Variants in ZNF710 observed in about 807,000 individuals in gnomAD.
The protein encoded by ZNF710 is zinc finger protein 710.
Under a neutral mutation model 50.6 loss-of-function variants are expected in ZNF710, and 13 were observed. That is an observed-to-expected ratio of 0.26 (90% CI 0.17 to 0.41). The LOEUF is 0.41. Ranked by LOEUF, ZNF710 falls within the 10% of genes least tolerant of loss-of-function variation. The pLI is 1.00. For missense variants in ZNF710, 721 were observed against 936.6 expected, an observed-to-expected ratio of 0.77 and a Z score of 3.01; for synonymous variants, 383 against 397.0, an observed-to-expected ratio of 0.96 and a Z score of 0.42.
chr15:90,007,489 G>T (rs975262494), intron 1 of ZNF710, among the ~76,000 whole-genome samples: 2 of 152,036 alleles, frequency 1.3e-5, no homozygotes, highest in African/African-American at 4.8e-5. Flanking sequence ...GGGAAGAGGA[G>T]CCGTAGCTTT....
intron 1 of ZNF710, among the ~76,000 whole-genome samples, chr15:90,018,554 C>T (rs1898520559): frequency 1.3e-5 from 2 of 152,110 alleles, no homozygotes; most frequent in Non-Finnish European, 2.9e-5. Flanking sequence ...CCTTTTTTCG[C>T]CTCCTCTTTG....
At position 90,062,829 on chromosome 15, in the gene ZNF710, C is replaced by T; in HGVS notation, c.-28-4281C>T. ...TCCTCAGCAGAGCCCCTTCTGCATA[C>T]ACACACGCGCGCACGCGCACACACA... On this transcript the variant is annotated intron_variant, in intron 1 of 4. Coordinates refer to ENST00000268154, the MANE Select transcript of ZNF710 (RefSeq NM_198526.4). The surrounding 1 kb of genome is among the most constrained non-coding windows in gnomAD (Gnocchi z 5.6). 6.6e-6 allele frequency among the ~76,000 whole-genome samples: 1 copy of T among 152,146 alleles called. No homozygotes were observed. Among genetic ancestry groups the T allele is most frequent in the South Asian group, 2.1e-4 (1 of 4,832 alleles).
chr15:90,067,492 C>G lies in ZNF710; in HGVS notation c.355C>G (p.Gln119Glu), dbSNP rs1368569147. 9.9e-6 allele frequency: 16 copies of G among 1,613,446 alleles called. No individual in the cohort carries two copies. The highest frequency in any genetic ancestry group is 1.2e-5 in the Non-Finnish European group (14 of 1,179,738). Reference protein sequence around the residue: ...VKFEKVEEEEQEVYEVSVPGD... With the variant: ...VKFEKVEEEEEEVYEVSVPGD... ...GTTCGAGAAGGTGGAGGAGGAGGAA[C>G]AGGAGGTCTATGAGGTTTCTGTGCC... Residue 119 changes from glutamine to glutamate, a missense_variant, in exon 2 of 5, where the codon CAG (glutamine) becomes GAG (glutamate). By Grantham distance (29) the Gln-to-Glu change is conservative (BLOSUM62 2). This residue lies in a region of ZNF710 where 326 missense variants were observed against 347.1 expected (regional missense o/e 0.94). Transcript: ENST00000268154. This position sits in a 1 kb window ranked among gnomAD's most constrained non-coding sequence, Gnocchi z 8.1.
chr15:90,066,541 G>T (rs1456896860), intron 1 of ZNF710, among the ~76,000 whole-genome samples: 1 of 146,986 alleles, frequency 6.8e-6, no homozygotes, highest in African/African-American at 2.5e-5. Context: ...GCAGTGGCGC[G>T]ATCTCGGCTC....
At chr15:90,043,755 T>G (rs1263080645) in intron 1 of ZNF710, among the ~76,000 whole-genome samples, 1 of 152,194 alleles carries the variant, frequency 6.6e-6, no homozygotes, top group Non-Finnish European at 1.5e-5. Context: ...GAACATTCTT[T>G]CTTTCAAAGC....
In ZNF710 at chr15:90,068,618, G is replaced by C; in HGVS notation, c.1458+23G>C. 2 of 1,557,402 alleles carry C rather than the reference G, an allele frequency of 1.3e-6. No homozygotes were observed. Among genetic ancestry groups the C allele is most frequent in the Non-Finnish European group, 1.7e-6 (2 of 1,152,668 alleles). ...AAGGTAAGGCCGTTCCCAGGGCCTG[G>C]GCATCTGCCTGCCCCTCCTGCCACT... On this transcript the variant is annotated intron_variant, in intron 2 of 4. Transcript: ENST00000268154. This position sits in a 1 kb window ranked among gnomAD's most constrained non-coding sequence, Gnocchi z 5.0.
At chr15:90,006,271 G>C (rs111934210) in intron 1 of ZNF710, among the ~76,000 whole-genome samples, 6,646 of 152,218 alleles carry the variant, frequency 0.044, 205 homozygotes, top group African/African-American at 0.07. Context: ...TGCTTTTCAG[G>C]TTAAAGTTTA....
intron 2 of ZNF710, among the ~76,000 whole-genome samples, chr15:90,070,375 A>T (rs1354874265): frequency 1.3e-5 from 2 of 151,290 alleles, no homozygotes; most frequent in Non-Finnish European, 3.0e-5. Context: ...TTAAGAAAAA[A>T]AAAAAGGAAG....
At chr15:90,070,533 G>C (rs1900343550) in intron 2 of ZNF710, among the ~76,000 whole-genome samples, 1 of 151,872 alleles carries the variant, frequency 6.6e-6, no homozygotes, top group Admixed American at 6.6e-5. Context: ...AAAAATAGCT[G>C]AGTGTGGTGG....
intron 1 of ZNF710, among the ~76,000 whole-genome samples, chr15:90,008,639 G>T (rs1420621955): frequency 6.6e-6 from 1 of 150,916 alleles, no homozygotes; most frequent in Non-Finnish European, 1.5e-5. Flanking sequence ...TTATAAATCA[G>T]TCGGTGGCAC....
At chr15:90,046,163 G>A (rs1011544478) in intron 1 of ZNF710, among the ~76,000 whole-genome samples, 1 of 152,192 alleles carries the variant, frequency 6.6e-6, no homozygotes, top group Non-Finnish European at 1.5e-5. Flanking sequence ...TATGTGAGAT[G>A]AGGGCTCCAG....
At chr15:90,000,523 C>G (rs1897985451), upstream of ZNF710, among the ~76,000 whole-genome samples, 1 of 152,126 alleles carries the variant, frequency 6.6e-6, no homozygotes, top group Admixed American at 6.5e-5. Context: ...GCCAGCCCGC[C>G]GATCCCAGCA....
chr15:90,068,961 C>T lies in ZNF710; in HGVS notation c.1458+366C>T, dbSNP rs1323970801. The stretch of plus-strand genomic sequence containing the variant: ...ATTTAAACATGGCTAGGCGTGATGG[C>T]TCATGCCTGTAATCCCAGCACTTTG... On this transcript the variant is annotated intron_variant, in intron 2 of 4. Coordinates refer to ENST00000268154, the MANE Select transcript of ZNF710 (RefSeq NM_198526.4). This position sits in a 1 kb window ranked among gnomAD's most constrained non-coding sequence, Gnocchi z 5.0. Among the ~76,000 whole-genome samples, 1 of 152,012 alleles carries T rather than the reference C, an allele frequency of 6.6e-6. No individual in the cohort carries two copies. The highest frequency in any genetic ancestry group is 2.4e-5 in the African/African-American group (1 of 41,340).
intron 1 of ZNF710, among the ~76,000 whole-genome samples, chr15:90,053,163 G>A (rs569319482): frequency 2.6e-4 from 40 of 152,292 alleles, no homozygotes; most frequent in South Asian, 1.0e-3. Flanking sequence ...ATAGAAGAGT[G>A]TATTTTGGGG....
intron 1 of ZNF710, among the ~76,000 whole-genome samples, chr15:90,027,122 G>A (rs1452014075): frequency 1.3e-5 from 2 of 152,138 alleles, no homozygotes; most frequent in African/African-American, 4.8e-5. Context: ...TAGGCTAGAG[G>A]TTTATTTCCA....
intron 1 of ZNF710, among the ~76,000 whole-genome samples, chr15:90,022,931 C>G (rs936651275): frequency 6.6e-6 from 1 of 152,088 alleles, no homozygotes; most frequent in Non-Finnish European, 1.5e-5. Context: ...TGAAATGTTG[C>G]GGGAGTACAT....
In ZNF710 at chr15:90,068,005, G is replaced by A. The variant is rs769910997; in HGVS notation, c.868G>A (p.Asp290Asn). ...IDDSYLVEAG[D>N]RQKRWQCRMC... The stretch of plus-strand genomic sequence containing the variant: ...CGACTCCTATCTGGTGGAGGCGGGC[G>A]ACCGCCAGAAGCGCTGGCAGTGCCG... The change falls in exon 2 of 5, where the codon GAC (aspartate) becomes AAC (asparagine). Residue 290 changes from aspartate to asparagine, a missense_variant. Physicochemically the swap from Asp to Asn is conservative, Grantham distance 23. This residue lies in a region of ZNF710 where 326 missense variants were observed against 522.0 expected (regional missense o/e 0.62). Coordinates refer to ENST00000268154, the MANE Select transcript of ZNF710 (RefSeq NM_198526.4). The surrounding 1 kb of genome is among the most constrained non-coding windows in gnomAD (Gnocchi z 5.0). The A allele has an allele frequency of 5.3e-5, 85 of 1,614,004 alleles. No individual in the cohort carries two copies. The highest frequency in any genetic ancestry group is 1.6e-4 in the East Asian group (7 of 44,894).
chr15:89,999,670 G>GCGAGGGGC (rs1420187799), upstream of ZNF710, among the ~76,000 whole-genome samples: 1 of 152,070 alleles, frequency 6.6e-6, no homozygotes, highest in Non-Finnish European at 1.5e-5. Flanking sequence ...TTAGGGTGGG[G>GCGAGGGGC]CGAGGGGCCG....
upstream of ZNF710, among the ~76,000 whole-genome samples, chr15:90,000,361 C>T (rs544545656): frequency 1.3e-5 from 2 of 152,150 alleles, no homozygotes; most frequent in African/African-American, 4.8e-5. Flanking sequence ...CCGGCCTGCG[C>T]CGGAGCTGGA....
Sources: allele counts gnomAD v4.1 joint callset (sites outside exome capture counted in the v4.1 genomes callset), GRCh38; gene constraint gnomAD v4.1.1; regional missense constraint gnomAD v4.1.1; non-coding constraint Gnocchi (gnomAD v3.1); transcripts MANE v1.5; gene names NCBI Gene and HGNC (gene_info 2026-07-23, HGNC 2026-07-21).